Variants in TMEM198 observed in about 807,000 individuals in gnomAD.
The protein encoded by TMEM198 is transmembrane protein 198.
In TMEM198, 21 loss-of-function variants were observed where a neutral mutation model predicts 31.5. The ratio of observed to expected loss-of-function variants is 0.67; its 90% CI spans 0.47 to 0.96. The LOEUF (loss-of-function observed/expected upper bound fraction) is 0.96. TMEM198 is among the 40% of genes least tolerant of loss of function. The pLI is 0.00. For synonymous variants in TMEM198, 211 were observed against 223.3 expected (o/e 0.95, Z 0.49); for missense variants, 447 against 499.4 (o/e 0.89, Z 1.00).
intron 2 of TMEM198, among the ~76,000 whole-genome samples, chr2:219,546,755 T>G (rs1367841943): frequency 1.3e-5 from 2 of 150,208 alleles, no homozygotes; most frequent in Admixed American, 6.7e-5. Context: ...TCTGAACCTG[T>G]GTGACCCTCA....
intron 2 of TMEM198, chr2:219,547,105 A>G (rs1695402712): frequency 6.0e-6 from 1 of 166,508 alleles, no homozygotes; most frequent in Non-Finnish European, 1.3e-5. Flanking sequence ...TCTGTGAGCA[A>G]TCCCTTCTCA....
At chr2:219,546,526 C>A (rs1009307862) in intron 2 of TMEM198, among the ~76,000 whole-genome samples, 4 of 152,188 alleles carry the variant, frequency 2.6e-5, no homozygotes, top group African/African-American at 9.7e-5. Flanking sequence ...CACCCCTCCC[C>A]ATACTGTGAT....
At chr2:219,543,928 C>G (rs764292601), upstream of TMEM198, 1 of 348,422 alleles carries the variant, frequency 2.9e-6, no homozygotes, top group South Asian at 2.2e-5. Flanking sequence ...GAGAGGGAGA[C>G]GCCGGGGGCG....
In TMEM198 at chr2:219,546,778, CT is replaced by C. The variant is rs397987890; in HGVS notation, c.167-711del. Among the ~76,000 whole-genome samples, 126 of 127,248 alleles carry C rather than the reference CT, an allele frequency of 9.9e-4. 2 individuals are homozygous for C. Among genetic ancestry groups the C allele is most frequent in the African/African-American group, 3.1e-3 (102 of 32,668 alleles). The allele number at this position is 127,248 out of a possible 152,430, so 83.5% of individuals were successfully genotyped here. A position where few individuals can be genotyped will look rare whatever the true frequency, so the allele number is the denominator to read the frequency against. ...TGTGTGACCCTCACCTCTCAAGTTT[CT>C]TTTTTTTTTTTTTTTTGAGACAAGA... On this transcript the variant is annotated intron_variant, in intron 2 of 4. Transcript: ENST00000373883.
rs1249321882 is a variant in TMEM198, at chr2:219,544,283, CCA to C, written c.-133_-132del. ...TCGCACGACGGACTTTCCCTGGACCCCAGTCAGTTGGAGCCTCTGGCGCCCCG... is the reference window on the plus strand; with the variant it reads ...TCGCACGACGGACTTTCCCTGGACCCGTCAGTTGGAGCCTCTGGCGCCCCG... On this transcript the variant is annotated 5_prime_UTR_variant, in exon 1 of 5. The change creates a premature stop within an existing upstream ORF in the 5' untranslated region. Transcript: ENST00000373883. 4.3e-6 allele frequency: 2 copies of C among 470,278 alleles called. No individual in the cohort carries two copies. Among genetic ancestry groups the C allele is most frequent in the South Asian group, 3.1e-5 (2 of 64,596 alleles). 29.1% of individuals were successfully genotyped at this position (470,278 alleles called of 1,614,324 possible). A position where few individuals can be genotyped will look rare whatever the true frequency, so the allele number is the denominator to read the frequency against.
At position 219,550,491 on chromosome 2, in the gene TMEM198, G is replaced by A; in HGVS notation, c.*637G>A. On this transcript the variant is annotated 3_prime_UTR_variant, in exon 5 of 5. Coordinates refer to ENST00000373883, the MANE Select transcript of TMEM198 (RefSeq NM_001005209.3). ...GGGTTTAAATGCACGGTGCATGTCTGGTGTCTGTCATGCCAACCTAGACAC... is the reference window on the plus strand; with the variant it reads ...GGGTTTAAATGCACGGTGCATGTCTAGTGTCTGTCATGCCAACCTAGACAC... The A allele has an allele frequency of 2.9e-6, 1 of 343,776 alleles. No individual in the cohort carries two copies. The highest frequency in any genetic ancestry group is 5.5e-6 in the Non-Finnish European group (1 of 183,326). 21.3% of individuals were successfully genotyped at this position (343,776 alleles called of 1,614,324 possible). A position where few individuals can be genotyped will look rare whatever the true frequency, so the allele number is the denominator to read the frequency against.
intron 1 of TMEM198, 28 bp downstream of exon 1, chr2:219,544,405 C>T (rs1574503303): frequency 3.8e-6 from 2 of 523,702 alleles, no homozygotes; most frequent in Non-Finnish European, 7.4e-6. Context: ...CCATATTGAG[C>T]CGCCCACAGA....
chr2:219,544,078 G>C lies in TMEM198; in HGVS notation c.-339G>C, dbSNP rs1269088371. 2.4e-6 allele frequency: 1 copy of C among 416,678 alleles called. No homozygotes were observed. Among genetic ancestry groups the C allele is most frequent in the Non-Finnish European group, 4.8e-6 (1 of 209,026 alleles). 25.8% of individuals were successfully genotyped at this position (416,678 alleles called of 1,614,324 possible). A position where few individuals can be genotyped will look rare whatever the true frequency, so the allele number is the denominator to read the frequency against. ...CATCAGCACCAAAGGCCGCGGGCGG[G>C]CTCAGGGCATGGGGCCGCGGTTCTG... On this transcript the variant is annotated 5_prime_UTR_variant, in exon 1 of 5. Coordinates refer to ENST00000373883, the MANE Select transcript of TMEM198 (RefSeq NM_001005209.3).
In TMEM198 at chr2:219,547,715, G is replaced by T; in HGVS notation, c.376G>T (p.Gly126Cys). 1 of 1,579,730 alleles carries T rather than the reference G, an allele frequency of 6.3e-7. No individual in the cohort carries two copies. The change falls in exon 3 of 5, where the codon GGC (glycine) becomes TGC (cysteine). Residue 126 changes from glycine to cysteine, a missense_variant. By Grantham distance (159) the Gly-to-Cys change is radical. Coordinates refer to ENST00000373883, the MANE Select transcript of TMEM198 (RefSeq NM_001005209.3). Reference sequence around the variant, plus strand: ...CCTCTTCCTGGTGGGGCTGCTGCTCGGCCTGCTGCTCGCAGCTGCTGCCCT... The same window carrying T: ...CCTCTTCCTGGTGGGGCTGCTGCTCTGCCTGCTGCTCGCAGCTGCTGCCCT... ...VGLFLVGLLL[G>C]LLLAAAALLG...
At chr2:219,547,430 C>A (rs1695411247) in intron 2 of TMEM198, 76 bp from the exon 3 acceptor site, 2 of 1,211,844 alleles carry the variant, frequency 1.7e-6, no homozygotes, top group Non-Finnish European at 2.2e-6. Flanking sequence ...GATCCCATGT[C>A]CTTGACCCCT....
At position 219,544,968 on chromosome 2, in the gene TMEM198, T is replaced by C. The variant is rs1331421996; in HGVS notation, c.166+75T>C. On this transcript the variant is annotated intron_variant, in intron 2 of 4. Coordinates refer to ENST00000373883, the MANE Select transcript of TMEM198 (RefSeq NM_001005209.3). ...GTTCTTTTTCTGGGCCCCCAAGTCT[T>C]CTCTGAATCCCTCTACCATCATGAA... 2.0e-6 allele frequency: 3 copies of C among 1,536,220 alleles called. No individual in the cohort carries two copies. In the East Asian group the frequency reaches 6.8e-5, roughly 35 times the overall value.
rs1559128933 is a variant in TMEM198, at chr2:219,549,733, TCCGAGA to T, written c.966_971del (p.Asp323_Arg324del). The T allele has an allele frequency of 6.2e-7, 1 of 1,613,690 alleles. No homozygotes were observed. The highest frequency in any genetic ancestry group is 8.5e-7 in the Non-Finnish European group (1 of 1,179,910). Reference sequence around the variant, plus strand: ...CCCCCACAGAGCTATATCCAGAGCTTCCGAGACCGGCAGACCGGGAGCTCCCTGAGC... The same window carrying T: ...CCCCCACAGAGCTATATCCAGAGCTTCCGGCAGACCGGGAGCTCCCTGAGC... On this transcript the variant is annotated inframe_deletion, in exon 5 of 5. Coordinates refer to ENST00000373883, the MANE Select transcript of TMEM198 (RefSeq NM_001005209.3).
chr2:219,544,919 C>T, intron 2 of TMEM198, 26 bp downstream of exon 2: 1 of 1,606,524 alleles, frequency 6.2e-7, no homozygotes, highest in African/African-American at 1.3e-5. Flanking sequence ...CATCCCTCAC[C>T]TGGGCTCCCC....
rs750486009 is a variant in TMEM198 at position 219,544,867 on chromosome 2, T to G, written c.140T>G (p.Leu47Trp). ...GCCCTCGTCTGCATCATGTGCTGTT[T>G]GTTTGGAGTCGTCTACTGCTTCTTC... ...LPALVCIMCCLFGVVYCFFGY... is the reference protein window; with the variant it reads ...LPALVCIMCCWFGVVYCFFGY... The change falls in exon 2 of 5, where the codon TTG becomes TGG. Residue 47 changes from leucine to tryptophan, a missense_variant. By Grantham distance (61) the Leu-to-Trp change is moderately conservative (BLOSUM62 -2). Transcript: ENST00000373883. 2 of 1,614,206 alleles carry G rather than the reference T, an allele frequency of 1.2e-6. No homozygotes were observed. The highest frequency in any genetic ancestry group is 2.2e-5 in the South Asian group (2 of 91,084).
chr2:219,546,185 C>G (rs57928484), intron 2 of TMEM198, among the ~76,000 whole-genome samples: 7,741 of 152,118 alleles, frequency 0.051, 687 homozygotes, highest in African/African-American at 0.18. Flanking sequence ...CTGGAAGTGA[C>G]TCTCCTCTGT....
intron 2 of TMEM198, among the ~76,000 whole-genome samples, chr2:219,546,810 G>A (rs1039427980): frequency 7.9e-6 from 1 of 126,802 alleles, no homozygotes; most frequent in East Asian, 2.3e-4. Flanking sequence ...CAAGAGTCTC[G>A]CTCTGTCACC....
Position 219,547,657 on chromosome 2 carries a change from C to T in TMEM198, c.318C>T (p.Cys106=), listed in dbSNP as rs1695418691. The change falls in exon 3 of 5, where the codon TGC becomes TGT. Residue 106 remains cysteine, a synonymous_variant. Transcript: ENST00000373883. ...TCGCTCTGGGCATCGGGCTGCTCTGCGGGCTGGTGGCCATGCTAGTGCGCA... is the reference window on the plus strand; with the variant it reads ...TCGCTCTGGGCATCGGGCTGCTCTGTGGGCTGGTGGCCATGCTAGTGCGCA... ...AGIALGIGLL[C]GLVAMLVRSV... 11 of 1,533,628 alleles carry T rather than the reference C, an allele frequency of 7.2e-6. No individual in the cohort carries two copies. Among genetic ancestry groups the T allele is most frequent in the East Asian group, 2.3e-5 (1 of 43,800 alleles).
intron 2 of TMEM198, 22 bp from the exon 3 acceptor site, chr2:219,547,472 TCTTGGCCCCTCA>T (rs1695413099): frequency 7.2e-7 from 1 of 1,395,442 alleles, no homozygotes; most frequent in Admixed American, 2.7e-5. Context: ...GGTGCCCTCA[TCTTGGCCCCTCA>T]CTAGCCCCTG....
rs3731916 is a variant in TMEM198 at position 219,544,274 on chromosome 2, C to G, written c.-143C>G. On this transcript the variant is annotated 5_prime_UTR_variant, in exon 1 of 5. Coordinates refer to ENST00000373883, the MANE Select transcript of TMEM198 (RefSeq NM_001005209.3). ...CCCCCTTCCTCGCACGACGGACTTT[C>G]CCTGGACCCCAGTCAGTTGGAGCCT... 1.4e-4 allele frequency: 67 copies of G among 469,580 alleles called. 2 individuals carry two copies. The East Asian group carries it at 4.3e-3, about 30-fold the overall frequency. 29.1% of individuals were successfully genotyped at this position (469,580 alleles called of 1,614,324 possible). A position where few individuals can be genotyped will look rare whatever the true frequency, so the allele number is the denominator to read the frequency against.
Sources: allele counts gnomAD v4.1 joint callset (sites outside exome capture counted in the v4.1 genomes callset), GRCh38; gene constraint gnomAD v4.1.1; transcripts MANE v1.5; gene names NCBI Gene and HGNC (gene_info 2026-07-23, HGNC 2026-07-21).